CEP170: variants seen among roughly 807,000 people sequenced by gnomAD.
CEP170 encodes the protein centrosomal protein 170, also known as centrosomal protein of 170 kDa.
CEP170 carries 21 observed loss-of-function variants against 151.9 expected under a neutral mutation model. The observed-to-expected ratio is 0.14, with a 90% confidence interval of 0.10 to 0.20. The LOEUF (loss-of-function observed/expected upper bound fraction) is 0.20. Ranked by LOEUF, CEP170 falls within the 10% of genes least tolerant of loss-of-function variation. CEP170 has a pLI of 1.00. For synonymous variants in CEP170, 356 were observed against 648.8 expected (o/e 0.55, Z 6.86); for missense variants, 964 against 1,892.9 (o/e 0.51, Z 9.11).
At chr1:243,172,353 G>A (rs952268238) in intron 11 of CEP170, among the ~76,000 whole-genome samples, 8 of 152,278 alleles carry the variant, frequency 5.3e-5, no homozygotes, top group African/African-American at 1.9e-4. Flanking sequence ...TAAGAATTCA[G>A]GCCAAGTGCG....
chr1:243,201,893 T>C (rs543601616), intron 4 of CEP170, among the ~76,000 whole-genome samples: 3 of 152,284 alleles, frequency 2.0e-5, no homozygotes, highest in Admixed American at 1.3e-4. Context: ...TTAATCTACA[T>C]TGCTTTTTCC....
intron 1 of CEP170, among the ~76,000 whole-genome samples, chr1:243,231,129 A>G (rs1181746852): frequency 3.3e-5 from 5 of 151,520 alleles, no homozygotes; most frequent in Non-Finnish European, 7.4e-5. Context: ...CAAGAATTTT[A>G]TACCCAGCAA....
At chr1:243,147,706 A>G (rs535611227) in intron 14 of CEP170, among the ~76,000 whole-genome samples, 1 of 152,372 alleles carries the variant, frequency 6.6e-6, no homozygotes, top group East Asian at 1.9e-4. Context: ...TAAAACAGAA[A>G]TACAATTTCT....
At chr1:243,161,298 C>T (rs1211879475) in intron 13 of CEP170, among the ~76,000 whole-genome samples, 3 of 140,534 alleles carry the variant, frequency 2.1e-5, no homozygotes, top group Middle Eastern at 3.5e-3. Context: ...AGCAAGAGTC[C>T]GTCTCAAAAA....
rs758519781 is a variant in CEP170, at chr1:243,126,435, C to T, written c.*14G>A. 6.3e-7 allele frequency: 1 copy of T among 1,596,164 alleles called. No homozygotes were observed. Among genetic ancestry groups the T allele is most frequent in the African/African-American group, 1.3e-5 (1 of 74,712 alleles). The stretch of plus-strand genomic sequence containing the variant: ...CATTCCACAGGTAATGATTTTTCAA[C>T]AATCAAGAGAAAGTCATTCTTGTAC... On this transcript the variant is annotated 3_prime_UTR_variant, in exon 20 of 20. Transcript: ENST00000366542.
intron 1 of CEP170, 90 bp from the exon 2 acceptor site, chr1:243,225,411 T>A: frequency 1.9e-6 from 1 of 520,638 alleles, no homozygotes. Flanking sequence ...AGAATAGAAC[T>A]GCGTTCATCA....
intron 1 of CEP170, among the ~76,000 whole-genome samples, chr1:243,245,612 G>A (rs1166768812): frequency 6.6e-6 from 1 of 152,108 alleles, no homozygotes; most frequent in Non-Finnish European, 1.5e-5. Flanking sequence ...TACTCAGGAG[G>A]CTGAAGCAGA....
At chr1:243,212,385 A>C (rs1440314046) in intron 3 of CEP170, among the ~76,000 whole-genome samples, 3 of 152,198 alleles carry the variant, frequency 2.0e-5, no homozygotes, top group African/African-American at 7.2e-5. Context: ...TTTTGGAATT[A>C]TTATAAAGAA....
intron 14 of CEP170, among the ~76,000 whole-genome samples, chr1:243,153,666 T>C (rs2057314783): frequency 6.6e-6 from 1 of 152,248 alleles, no homozygotes. Context: ...TATATACTTT[T>C]TTTAAGAAGC....
At position 243,165,116 on chromosome 1, in the gene CEP170, A is replaced by C. The variant is rs778544790; in HGVS notation, c.2844T>G (p.Thr948=). The part of the protein sequence containing the change: ...ASTISLVTGE[T]ERKSTQKRKS... The stretch of plus-strand genomic sequence containing the variant: ...TTCGCTTTTGGGTTGACTTTCTTTC[A>C]GTTTCTCCAGTAACCAGACTGATTG... The change falls in exon 13 of 20, where the codon ACT becomes ACG. Residue 948 remains threonine, a synonymous_variant. Transcript: ENST00000366542. The C allele has an allele frequency of 2.5e-6, 4 of 1,612,686 alleles. No homozygotes were observed. Among genetic ancestry groups the C allele is most frequent in the African/African-American group, 1.3e-5 (1 of 74,896 alleles).
chr1:243,194,817 ATAT>A (rs2060535076), intron 7 of CEP170, among the ~76,000 whole-genome samples: 1 of 151,850 alleles, frequency 6.6e-6, no homozygotes, highest in Admixed American at 6.6e-5. Context: ...GTTTAGACTA[ATAT>A]TATATTATTA....
At chr1:243,133,476 A>T (rs2054656816) in intron 17 of CEP170, among the ~76,000 whole-genome samples, 1 of 152,208 alleles carries the variant, frequency 6.6e-6, no homozygotes, top group Non-Finnish European at 1.5e-5. Context: ...ATTTTAGTGG[A>T]ACTAAAATAA....
At position 243,221,786 on chromosome 1, in the gene CEP170, C is replaced by T. The variant is rs2062838833; in HGVS notation, c.133G>A (p.Val45Ile). Residue 45 changes from valine (V) to isoleucine (I), a missense_variant, in exon 3 of 20, where the codon GTC (valine) becomes ATC (isoleucine). By Grantham distance (29) the Val-to-Ile change is conservative (BLOSUM62 3). Coordinates refer to ENST00000366542, the MANE Select transcript of CEP170 (RefSeq NM_014812.3). Reference sequence around the variant, plus strand: ...TCCGTAGACGCATCATAGTTGATGACAGCGTGTTGCTTATCCACACTACGA... The same window carrying T: ...TCCGTAGACGCATCATAGTTGATGATAGCGTGTTGCTTATCCACACTACGA... Reference protein sequence around the residue: ...QSRSVDKQHAVINYDASTDEH... With the variant: ...QSRSVDKQHAIINYDASTDEH... 1.9e-6 allele frequency: 3 copies of T among 1,612,576 alleles called. No homozygotes were observed. Among genetic ancestry groups the T allele is most frequent in the Non-Finnish European group, 2.5e-6 (3 of 1,179,326 alleles).
chr1:243,209,247 C>A (rs1275321134), intron 4 of CEP170, among the ~76,000 whole-genome samples: 1 of 152,126 alleles, frequency 6.6e-6, no homozygotes, highest in African/African-American at 2.4e-5. Context: ...TGCAGTGGCA[C>A]GATCTTGGCT....
chr1:243,183,206 TA>T (rs1381582731), intron 10 of CEP170, among the ~76,000 whole-genome samples: 2 of 152,146 alleles, frequency 1.3e-5, no homozygotes, highest in African/African-American at 4.8e-5. Flanking sequence ...GGCACATAGT[TA>T]ATGTTGAATT....
chr1:243,212,807 T>G (rs1025981903), intron 3 of CEP170, among the ~76,000 whole-genome samples: 5 of 152,020 alleles, frequency 3.3e-5, no homozygotes, highest in African/African-American at 1.2e-4. Flanking sequence ...GGACTACAGG[T>G]GCATGCTACC....
intron 1 of CEP170, among the ~76,000 whole-genome samples, chr1:243,241,460 A>G (rs2064825736): frequency 6.6e-6 from 1 of 152,074 alleles, no homozygotes; most frequent in Admixed American, 6.5e-5. Context: ...AGGTGATGAT[A>G]TGATGAGAGC....
At chr1:243,136,501 C>A (rs1347730545) in intron 16 of CEP170, among the ~76,000 whole-genome samples, 1 of 152,178 alleles carries the variant, frequency 6.6e-6, no homozygotes, top group Admixed American at 6.5e-5. Context: ...TCCATTTTAT[C>A]CTCAGTTTAT....
intron 1 of CEP170, among the ~76,000 whole-genome samples, chr1:243,244,357 TCACA>T (rs36023097): frequency 1.9e-4 from 29 of 149,758 alleles, no homozygotes; most frequent in African/African-American, 2.4e-4. Flanking sequence ...GCTCCTTGTA[TCACA>T]CACACACACA....
Sources: gnomAD v4.1 joint callset for allele counts (sites outside exome capture counted in the v4.1 genomes callset) on GRCh38, gnomAD v4.1.1 for gene constraint, MANE v1.5 for transcripts, NCBI Gene and HGNC (gene_info 2026-07-23, HGNC 2026-07-21) for gene names.